Variants in TNS1 observed in about 807,000 individuals in gnomAD.
TNS1 encodes the protein tensin 1, also known as tensin-1.
In TNS1, 62 loss-of-function variants were observed where a neutral mutation model predicts 168.6. The ratio of observed to expected loss-of-function variants is 0.37; its 90% confidence interval spans 0.30 to 0.45. The LOEUF (loss-of-function observed/expected upper bound fraction) is 0.45, where lower values mean the gene tolerates loss of function less well. Among genes scored for constraint, TNS1 ranks in the 20% least tolerant of loss-of-function variants. The pLI, the probability that TNS1 is intolerant of heterozygous loss-of-function variation, is 1.00. For missense variants in TNS1, 2,240 were observed against 2,339.4 expected, an observed-to-expected ratio of 0.96 and a Z score of 0.88; for synonymous variants, 934 against 933.2, an observed-to-expected ratio of 1.00 and a Z score of -0.02.
At chr2:217,954,660 C>CTGG (rs1957317412) in intron 3 of TNS1, among the ~76,000 whole-genome samples, 4 of 152,112 alleles carry the variant, frequency 2.6e-5, no homozygotes, top group African/African-American at 7.2e-5. Flanking sequence ...GTGCCAACTC[C>CTGG]ACTGCCAAGG....
chr2:217,918,961 A>G (rs1435643630), intron 4 of TNS1, among the ~76,000 whole-genome samples: 5 of 148,390 alleles, frequency 3.4e-5, no homozygotes, highest in African/African-American at 1.3e-4. Context: ...TAGTGAGACC[A>G]GGGAAGGAGG....
chr2:217,855,806 CA>C (rs370727549), intron 18 of TNS1, among the ~76,000 whole-genome samples: 124 of 152,308 alleles, frequency 8.1e-4, no homozygotes, highest in African/African-American at 2.8e-3. Flanking sequence ...AGTGAAAAAT[CA>C]GGGGTTCTAG....
chr2:217,912,290 C>T, intron 4 of TNS1, among the ~76,000 whole-genome samples: 1 of 152,312 alleles, frequency 6.6e-6, no homozygotes, highest in East Asian at 1.9e-4. Flanking sequence ...ATGCCTGAGC[C>T]CAGGGCCGAG....
intron 18 of TNS1, among the ~76,000 whole-genome samples, chr2:217,849,349 C>T (rs1212181594): frequency 1.3e-5 from 2 of 152,192 alleles, no homozygotes; most frequent in South Asian, 2.1e-4. Context: ...GGGGGCAAAT[C>T]GCTCCAGTCC....
intron 4 of TNS1, among the ~76,000 whole-genome samples, chr2:217,915,539 C>G (rs1397759533): frequency 6.6e-6 from 1 of 152,120 alleles, no homozygotes; most frequent in East Asian, 1.9e-4. Flanking sequence ...GGTAGGTGCT[C>G]CAGAGATATG....
At chr2:217,923,440 A>G (rs114338896) in intron 3 of TNS1, among the ~76,000 whole-genome samples, 2,013 of 152,346 alleles carry the variant, frequency 0.013, 51 homozygotes, top group African/African-American at 0.045. Context: ...CATTTAATTC[A>G]CGTAACAATG....
intron 3 of TNS1, among the ~76,000 whole-genome samples, chr2:217,970,992 G>A (rs1345889259): frequency 6.6e-6 from 1 of 152,140 alleles, no homozygotes; most frequent in Non-Finnish European, 1.5e-5. Flanking sequence ...TGGCCAAGAA[G>A]ACAGAGCTTG....
intron 11 of TNS1, among the ~76,000 whole-genome samples, chr2:217,891,315 T>C (rs186568610): frequency 7.2e-5 from 11 of 152,324 alleles, no homozygotes; most frequent in South Asian, 6.2e-4. Flanking sequence ...CTACCACTTA[T>C]GAGCCCCGTG....
chr2:217,862,909 A>G (rs1489255975), intron 18 of TNS1, among the ~76,000 whole-genome samples: 4 of 152,200 alleles, frequency 2.6e-5, no homozygotes, highest in Non-Finnish European at 4.4e-5. Context: ...TCCCAACTGT[A>G]GGTCAAGCAA....
intron 18 of TNS1, among the ~76,000 whole-genome samples, chr2:217,877,142 CAGG>C (rs1950270349): frequency 6.6e-6 from 1 of 151,962 alleles, no homozygotes; most frequent in Non-Finnish European, 1.5e-5. Context: ...CCTCCTGGCC[CAGG>C]AGCAGGTGAG....
At chr2:217,923,725 C>T (rs1955858612) in intron 3 of TNS1, among the ~76,000 whole-genome samples, 1 of 152,224 alleles carries the variant, frequency 6.6e-6, no homozygotes. Flanking sequence ...TCATTGGATG[C>T]TATTACCCCC....
intron 8 of TNS1, among the ~76,000 whole-genome samples, chr2:217,895,629 G>A (rs1348609168): frequency 6.6e-6 from 1 of 152,148 alleles, no homozygotes; most frequent in Non-Finnish European, 1.5e-5. Flanking sequence ...CTCCATCAGA[G>A]GGGCAAACCA....
chr2:217,882,013 C>T (rs1176978979), intron 17 of TNS1: 1 of 232,062 alleles, frequency 4.3e-6, no homozygotes, highest in Non-Finnish European at 8.2e-6. Context: ...ATCTTCTATC[C>T]AGCACCTTTG....
Position 217,986,355 on chromosome 2 carries a change from A to G in TNS1, c.148+4587T>C, listed in dbSNP as rs954798152. Among the ~76,000 whole-genome samples, 2 of 152,222 alleles carry G rather than the reference A, an allele frequency of 1.3e-5. No individual in the cohort carries two copies. Among genetic ancestry groups the G allele is most frequent in the African/African-American group, 4.8e-5 (2 of 41,458 alleles). ...CGTCTTTCCAGGTGCATCCTGCCCT[A>G]AGGAAACTGCAGGTGACTGTCCCCC... is the stretch of plus-strand genomic sequence containing the variant. On this transcript the variant is annotated intron_variant, in intron 2 of 32. Transcript: ENST00000682258. The surrounding 1 kb of genome is among the most constrained non-coding windows in gnomAD (Gnocchi z 4.7).
At chr2:217,969,226 A>C (rs1301252297) in intron 3 of TNS1, among the ~76,000 whole-genome samples, 1 of 152,244 alleles carries the variant, frequency 6.6e-6, no homozygotes, top group Non-Finnish European at 1.5e-5. Context: ...CAGTGGGGAA[A>C]GAATGATCTT....
chr2:217,972,162 T>C (rs1422021816), intron 3 of TNS1, among the ~76,000 whole-genome samples: 3 of 152,232 alleles, frequency 2.0e-5, no homozygotes, highest in Non-Finnish European at 4.4e-5. Context: ...AGATAAGTAC[T>C]ACTAGAATCA....
At chr2:218,026,260 T>C (rs953636880) in intron 1 of TNS1, among the ~76,000 whole-genome samples, 2 of 152,164 alleles carry the variant, frequency 1.3e-5, no homozygotes, top group Non-Finnish European at 2.9e-5. Context: ...CAAGTGGAAC[T>C]CAGTGTAAGC....
chr2:217,939,799 A>G (rs1314953824), intron 3 of TNS1, among the ~76,000 whole-genome samples: 1 of 152,228 alleles, frequency 6.6e-6, no homozygotes, highest in Non-Finnish European at 1.5e-5. Context: ...GGACTGGCTC[A>G]GGCCCACCCA....
upstream of TNS1, among the ~76,000 whole-genome samples, chr2:218,011,579 C>T (rs945203145): frequency 2.6e-5 from 4 of 152,112 alleles, no homozygotes; most frequent in African/African-American, 9.7e-5. Context: ...ATGATGCTGC[C>T]TCCCTGTCCC....
Sources: allele counts gnomAD v4.1 joint callset (sites outside exome capture counted in the v4.1 genomes callset), GRCh38; gene constraint gnomAD v4.1.1; non-coding constraint Gnocchi (gnomAD v3.1); transcripts MANE v1.5; gene names NCBI Gene and HGNC (gene_info 2026-07-23, HGNC 2026-07-21).